The following MGA variants were observed in gnomAD, a reference collection of about 807,000 sequenced individuals.
The protein encoded by MGA is MAX dimerization protein MGA.
Under a neutral mutation model 261.1 loss-of-function variants are expected in MGA, and 40 were observed. The ratio of observed to expected loss-of-function variants is 0.15; its 90% CI spans 0.12 to 0.20. The LOEUF is 0.20. MGA is among the 10% of genes least tolerant of loss of function. The pLI, the probability that MGA is intolerant of heterozygous loss-of-function variation, is 1.00. For missense variants in MGA, 3,397 were observed against 3,630.5 expected (o/e 0.94, Z 1.65); for synonymous variants, 1,302 against 1,290.6 (o/e 1.01, Z -0.19).
intron 8 of MGA, among the ~76,000 whole-genome samples, chr15:41,711,987 G>A (rs1314514601): frequency 6.6e-6 from 1 of 152,080 alleles, no homozygotes; most frequent in African/African-American, 2.4e-5. Context: ...GAGTCACCAC[G>A]CCCGGCCTGA....
intron 13 of MGA, among the ~76,000 whole-genome samples, chr15:41,739,446 T>C (rs988514003): frequency 6.6e-6 from 1 of 152,210 alleles, no homozygotes; most frequent in Admixed American, 6.5e-5. Flanking sequence ...TCACTTATAT[T>C]TTTCAAATAT....
intron 5 of MGA, among the ~76,000 whole-genome samples, chr15:41,703,376 C>G (rs946507681): frequency 7.1e-6 from 1 of 139,912 alleles, no homozygotes; most frequent in Admixed American, 7.1e-5. Flanking sequence ...TTACCCCCCC[C>G]CCCACTCCCC....
At chr15:41,718,735 T>A in intron 9 of MGA, 1 of 185,618 alleles carries the variant, frequency 5.4e-6, no homozygotes, top group Non-Finnish European at 1.1e-5. Context: ...GTAAAAATTC[T>A]CAGCACACTA....
rs762975970 is a variant in MGA, at chr15:41,762,117, G to A, written c.7511-12G>A. 7 of 1,596,596 alleles carry A rather than the reference G, an allele frequency of 4.4e-6. No individual in the cohort carries two copies. The highest frequency in any genetic ancestry group is 4.0e-5 in the African/African-American group (3 of 74,516). On this transcript the variant is annotated splice_polypyrimidine_tract_variant and intron_variant, in intron 21 of 23. Coordinates refer to ENST00000219905, the MANE Select transcript of MGA (RefSeq NM_001164273.2). ...AATGCTGAAAGTGCTAATGTATTCT[G>A]TTAACTTACAGGTAAGACAGAAGAA...
chr15:41,680,668 G>A (rs201671731), intron 2 of MGA, among the ~76,000 whole-genome samples: 1 of 152,178 alleles, frequency 6.6e-6, no homozygotes, highest in Non-Finnish European at 1.5e-5. Context: ...CTAATGAGAC[G>A]TAAAGAACAA....
At position 41,766,493 on chromosome 15, in the gene MGA, T is replaced by C. The variant is rs757344376; in HGVS notation, c.8411T>C (p.Leu2804Pro). 13 of 1,614,012 alleles carry C rather than the reference T, an allele frequency of 8.1e-6. No individual in the cohort carries two copies. The highest frequency in any genetic ancestry group is 6.6e-5 in the South Asian group (6 of 91,090). ...ACATCAGCTATAGAGGAAGCAGCTC[T>C]TGATTCCAGTGAACTGCTGACTAAC... Residue 2804 changes from leucine (L) to proline (P), a missense_variant, in exon 24 of 24, where the codon CTT becomes CCT. Coordinates refer to ENST00000219905, the MANE Select transcript of MGA (RefSeq NM_001164273.2).
chr15:41,684,170 G>A (rs2058823575), intron 2 of MGA, among the ~76,000 whole-genome samples: 1 of 151,434 alleles, frequency 6.6e-6, no homozygotes, highest in South Asian at 2.1e-4. Flanking sequence ...TATTTACTTT[G>A]TTAATCTCTG....
At chr15:41,684,435 A>G in intron 2 of MGA, 1 of 446,632 alleles carries the variant, frequency 2.2e-6, no homozygotes. Context: ...GAGACTTCTC[A>G]GAAGAATGAA....
At position 41,723,449 on chromosome 15, in the gene MGA, T is replaced by C. The variant is rs146112865; in HGVS notation, c.3431-3731T>C. On this transcript the variant is annotated intron_variant, in intron 9 of 23. Coordinates refer to ENST00000219905, the MANE Select transcript of MGA (RefSeq NM_001164273.2). Reference sequence around the variant, plus strand: ...ATATTTTTGAGAGAGAGGGTCTTGCTCTGTCACCCAGGCTGGAGTGCTGTG... The same window carrying C: ...ATATTTTTGAGAGAGAGGGTCTTGCCCTGTCACCCAGGCTGGAGTGCTGTG... 5.9e-5 allele frequency among the ~76,000 whole-genome samples: 9 copies of C among 152,322 alleles called. No individual in the cohort carries two copies. The East Asian group carries it at 1.7e-3, about 29-fold the overall frequency.
chr15:41,760,735 A>ATT (rs68054586), intron 20 of MGA, among the ~76,000 whole-genome samples: 1 of 148,228 alleles, frequency 6.7e-6, no homozygotes, highest in Non-Finnish European at 1.5e-5. Flanking sequence ...TGAAAGTCAG[A>ATT]TTTTTTTTTT....
At chr15:41,654,239 C>G (rs377555483) in intron 1 of MGA, among the ~76,000 whole-genome samples, 1 of 152,086 alleles carries the variant, frequency 6.6e-6, no homozygotes, top group Non-Finnish European at 1.5e-5. Flanking sequence ...TTCTAAATAC[C>G]TGTCTGCAAA....
Position 41,725,718 on chromosome 15 carries a change from C to G in MGA, c.3431-1462C>G, listed in dbSNP as rs1246674895. ...GGCGTAGTGGCGGGCGCCTGTAGTC[C>G]CAGCTACTTGGGAGGCTGAGGCAGG... On this transcript the variant is annotated intron_variant, in intron 9 of 23. Coordinates refer to ENST00000219905, the MANE Select transcript of MGA (RefSeq NM_001164273.2). 5.2e-5 allele frequency among the ~76,000 whole-genome samples: 2 copies of G among 38,586 alleles called. 1 individual carries two copies. The highest frequency in any genetic ancestry group is 1.4e-4 in the African/African-American group (2 of 14,694). The allele number at this position is 38,586 out of a possible 152,430, so 25.3% of individuals were successfully genotyped here.
At chr15:41,678,597 C>A (rs1377194643) in intron 2 of MGA, among the ~76,000 whole-genome samples, 1 of 151,128 alleles carries the variant, frequency 6.6e-6, no homozygotes, top group Admixed American at 6.6e-5. Context: ...AACCCTGTCT[C>A]TACTAAAAAT....
intron 1 of MGA, among the ~76,000 whole-genome samples, chr15:41,627,224 A>G (rs1430216487): frequency 6.6e-6 from 1 of 152,164 alleles, no homozygotes; most frequent in Non-Finnish European, 1.5e-5. Context: ...AGGAACCAAT[A>G]ATGATACATT....
chr15:41,684,057 C>T (rs2058818525), intron 2 of MGA, among the ~76,000 whole-genome samples: 1 of 152,088 alleles, frequency 6.6e-6, no homozygotes, highest in African/African-American at 2.4e-5. Context: ...CCCTTATTGC[C>T]TATATGTATG....
intron 2 of MGA, among the ~76,000 whole-genome samples, chr15:41,674,309 C>T (rs932753191): frequency 6.6e-6 from 1 of 152,058 alleles, no homozygotes; most frequent in Non-Finnish European, 1.5e-5. Flanking sequence ...AATTTTCCTG[C>T]CTCAGCCTCT....
At position 41,760,323 on chromosome 15, in the gene MGA, G is replaced by A. The variant is rs1169434181; in HGVS notation, c.7192G>A (p.Ala2398Thr). Reference sequence around the variant, plus strand: ...TTAGGAGGCAATCTTGTTTGGACAGGCTCCACCAATTCCTCTAAAACTGAA... The same window carrying A: ...TTAGGAGGCAATCTTGTTTGGACAGACTCCACCAATTCCTCTAAAACTGAA... The change falls in exon 20 of 24, where the codon GCT becomes ACT. Residue 2398 changes from alanine to threonine, a missense_variant and splice_region_variant. Ala to Thr is a moderately conservative substitution (Grantham distance 58). Transcript: ENST00000219905. 1 of 1,613,870 alleles carries A rather than the reference G, an allele frequency of 6.2e-7. No homozygotes were observed. The highest frequency in any genetic ancestry group is 2.2e-5 in the East Asian group (1 of 44,882).
chr15:41,673,312 G>A (rs900415337), intron 2 of MGA, among the ~76,000 whole-genome samples: 1 of 151,920 alleles, frequency 6.6e-6, no homozygotes. Context: ...CTGCCTCCTG[G>A]GTTCAAGCGA....
Position 41,767,031 on chromosome 15 carries a change from G to C in MGA, c.8949G>C (p.Trp2983Cys). The stretch of plus-strand genomic sequence containing the variant: ...ACAGCAACAGCACAGACACTTTGTG[G>C]AGGCCTATGCCAAAGTTGGCCCCTC... Residue 2983 changes from tryptophan (W) to cysteine (C), a missense_variant, in exon 24 of 24, where the codon TGG becomes TGC. By Grantham distance (215) the Trp-to-Cys change is radical. Around this residue, in one of 9 missense-constraint regions of MGA, gnomAD observed 647 missense variants for 642.4 expected, o/e 1.01. Transcript: ENST00000219905. The C allele has an allele frequency of 1.2e-6, 2 of 1,614,006 alleles. No individual in the cohort carries two copies. Among genetic ancestry groups the C allele is most frequent in the Non-Finnish European group, 1.7e-6 (2 of 1,179,898 alleles).
Sources: allele counts gnomAD v4.1 joint callset (sites outside exome capture counted in the v4.1 genomes callset), GRCh38; gene constraint gnomAD v4.1.1; regional missense constraint gnomAD v4.1.1; transcripts MANE v1.5; gene names NCBI Gene and HGNC (gene_info 2026-07-23, HGNC 2026-07-21).